The following ANKRD12 variants were observed in gnomAD, a reference collection of about 807,000 sequenced individuals.
ANKRD12 encodes ankyrin repeat domain-containing protein 12.
ANKRD12 carries 85 observed loss-of-function variants against 183.4 expected under a neutral mutation model. The observed-to-expected ratio is 0.46, with a 90% confidence interval of 0.39 to 0.56. The LOEUF is 0.56. Among genes scored for constraint, ANKRD12 ranks in the 20% least tolerant of loss-of-function variants. The pLI is 0.00. For synonymous variants in ANKRD12, 914 were observed against 800.2 expected, an observed-to-expected ratio of 1.14 and a Z score of -2.40; for missense variants, 2,405 against 2,357.1, an observed-to-expected ratio of 1.02 and a Z score of -0.42.
intron 10 of ANKRD12, among the ~76,000 whole-genome samples, chr18:9,274,324 G>A (rs2145438502): frequency 6.6e-6 from 1 of 152,254 alleles, no homozygotes; most frequent in Non-Finnish European, 1.5e-5. Flanking sequence ...AATAAAATGT[G>A]GTATATCCAT....
At chr18:9,231,392 G>C (rs1288081376) in intron 8 of ANKRD12, among the ~76,000 whole-genome samples, 6 of 152,036 alleles carry the variant, frequency 3.9e-5, no homozygotes, top group African/African-American at 1.4e-4. Context: ...TTGTATCTAG[G>C]AGTATTTGCT....
Position 9,255,144 on chromosome 18 carries a change from A to C in ANKRD12, c.1877A>C (p.Asp626Ala), listed in dbSNP as rs2038524536. The stretch of plus-strand genomic sequence containing the variant: ...GAAAAATCAAATGCCAAAATAAAGG[A>C]TGAAGATCATAGTCCAACATTTGAA... ...FGEKSNAKIK[D>A]EDHSPTFENS... Residue 626 changes from aspartate (D) to alanine (A), a missense_variant, in exon 9 of 13, where the codon GAT (aspartate) becomes GCT (alanine). By Grantham distance (126) the Asp-to-Ala change is moderately radical (BLOSUM62 -2). Transcript: ENST00000262126. 3 of 1,588,782 alleles carry C rather than the reference A, an allele frequency of 1.9e-6. No homozygotes were observed. Among genetic ancestry groups the C allele is most frequent in the Non-Finnish European group, 8.5e-7 (1 of 1,172,950 alleles).
At chr18:9,234,570 A>C (rs998226519) in intron 8 of ANKRD12, among the ~76,000 whole-genome samples, 4 of 152,226 alleles carry the variant, frequency 2.6e-5, no homozygotes, top group African/African-American at 9.6e-5. Context: ...TCCAGCCAAC[A>C]CTGTGCCACT....
chr18:9,151,569 C>T (rs930126623), intron 1 of ANKRD12, among the ~76,000 whole-genome samples: 2 of 152,190 alleles, frequency 1.3e-5, no homozygotes, highest in Admixed American at 1.3e-4. Flanking sequence ...TCCCAGATCA[C>T]ACTACATAAA....
chr18:9,211,244 A>T (rs1388372855), intron 5 of ANKRD12, among the ~76,000 whole-genome samples: 2 of 152,146 alleles, frequency 1.3e-5, no homozygotes, highest in Non-Finnish European at 2.9e-5. Context: ...TAGGTCTTAG[A>T]ATAATAGCAT....
At chr18:9,176,625 A>T (rs1254155656) in intron 1 of ANKRD12, among the ~76,000 whole-genome samples, 1 of 152,168 alleles carries the variant, frequency 6.6e-6, no homozygotes, top group East Asian at 1.9e-4. Context: ...TACTTAAAAA[A>T]AAAGAAAGAA....
Position 9,248,602 on chromosome 18 carries a change from C to A in ANKRD12, c.944-5609C>A, listed in dbSNP as rs1266991769. Among the ~76,000 whole-genome samples, 3 of 152,118 alleles carry A rather than the reference C, an allele frequency of 2.0e-5. No individual in the cohort carries two copies. In the East Asian group the frequency reaches 5.8e-4, roughly 29 times the overall value. On this transcript the variant is annotated intron_variant, in intron 8 of 12. Coordinates refer to ENST00000262126, the MANE Select transcript of ANKRD12 (RefSeq NM_015208.5). ...CTTGTGTTTGCAGTTATTTTATATT[C>A]ATAAAGTACATATATAAATAATTAT...
intron 8 of ANKRD12, among the ~76,000 whole-genome samples, chr18:9,243,729 AT>A (rs1327779001): frequency 3.9e-5 from 6 of 152,256 alleles, no homozygotes; most frequent in Non-Finnish European, 8.8e-5. Context: ...CATATGAAGA[AT>A]GTGGAAAACA....
rs2038602459 is a variant in ANKRD12 at position 9,256,098 on chromosome 18, G to A, written c.2831G>A (p.Ser944Asn). 1.9e-6 allele frequency: 3 copies of A among 1,558,892 alleles called. No homozygotes were observed. In the East Asian group the frequency reaches 6.9e-5, roughly 36 times the overall value. Residue 944 changes from serine (S) to asparagine (N), a missense_variant, in exon 9 of 13, where the codon AGT becomes AAT. Coordinates refer to ENST00000262126, the MANE Select transcript of ANKRD12 (RefSeq NM_015208.5). ...KNKQSDNSEY[S>N]KSEKGKNKEK... The stretch of plus-strand genomic sequence containing the variant: ...AAACAATCAGATAATAGTGAATACA[G>A]TAAATCAGAAAAAGGCAAAAATAAA...
chr18:9,163,925 C>T (rs569974984), intron 1 of ANKRD12, among the ~76,000 whole-genome samples: 5 of 152,170 alleles, frequency 3.3e-5, no homozygotes, highest in African/African-American at 9.6e-5. Flanking sequence ...AAGACGCTTT[C>T]GGGCCGAGAC....
intron 6 of ANKRD12, 50 bp downstream of exon 6, chr18:9,211,834 G>A: frequency 7.1e-7 from 1 of 1,405,026 alleles, no homozygotes; most frequent in South Asian, 1.2e-5. Context: ...AATTTAAACA[G>A]ATCCTGGTTA....
intron 7 of ANKRD12, among the ~76,000 whole-genome samples, chr18:9,219,886 C>CA (rs1244262713): frequency 6.6e-6 from 1 of 152,138 alleles, no homozygotes; most frequent in Non-Finnish European, 1.5e-5. Context: ...TTACACAGCC[C>CA]AGTAATTGCT....
At chr18:9,177,519 C>T (rs568802271) in intron 1 of ANKRD12, among the ~76,000 whole-genome samples, 2 of 152,080 alleles carry the variant, frequency 1.3e-5, no homozygotes, top group South Asian at 2.1e-4. Context: ...ATGTAATGAT[C>T]GAGTCAGATT....
At chr18:9,234,046 G>A (rs1383133211) in intron 8 of ANKRD12, among the ~76,000 whole-genome samples, 1 of 138,550 alleles carries the variant, frequency 7.2e-6, no homozygotes, top group East Asian at 2.2e-4. Context: ...TGGCTGTGGT[G>A]CAGGGTTACC....
At chr18:9,221,732 G>A in intron 7 of ANKRD12, 120 bp from the exon 8 acceptor site, 2 of 960,838 alleles carry the variant, frequency 2.1e-6, no homozygotes, top group Non-Finnish European at 3.0e-6. Context: ...AGATGGTGAG[G>A]AATGGATGCA....
At chr18:9,188,279 T>C (rs1441641560) in intron 2 of ANKRD12, among the ~76,000 whole-genome samples, 2 of 152,230 alleles carry the variant, frequency 1.3e-5, no homozygotes, top group African/African-American at 2.4e-5. Flanking sequence ...AAATCTTTTA[T>C]GATGGGCAGT....
At chr18:9,167,453 C>T (rs2032198194) in intron 1 of ANKRD12, among the ~76,000 whole-genome samples, 1 of 152,032 alleles carries the variant, frequency 6.6e-6, no homozygotes, top group South Asian at 2.1e-4. Flanking sequence ...AGTTGGATTC[C>T]TAGGTATTTT....
chr18:9,255,857 G>A lies in ANKRD12; in HGVS notation c.2590G>A (p.Val864Ile). The change falls in exon 9 of 13, where the codon GTT becomes ATT. Residue 864 changes from valine to isoleucine, a missense_variant. By Grantham distance (29) the Val-to-Ile change is conservative (BLOSUM62 3). Coordinates refer to ENST00000262126, the MANE Select transcript of ANKRD12 (RefSeq NM_015208.5). ...EKDKLDLSEC[V>I]DKIKEKDKLY... Reference sequence around the variant, plus strand: ...AGACAAATTAGATCTTAGTGAATGTGTTGATAAAATAAAAGAAAAGGACAA... The same window carrying A: ...AGACAAATTAGATCTTAGTGAATGTATTGATAAAATAAAAGAAAAGGACAA... 1 of 1,588,970 alleles carries A rather than the reference G, an allele frequency of 6.3e-7. No individual in the cohort carries two copies. Among genetic ancestry groups the A allele is most frequent in the Non-Finnish European group, 8.5e-7 (1 of 1,173,248 alleles).
chr18:9,243,056 A>G (rs1481892146), intron 8 of ANKRD12, among the ~76,000 whole-genome samples: 2 of 152,236 alleles, frequency 1.3e-5, no homozygotes, highest in Non-Finnish European at 2.9e-5. Flanking sequence ...TTTCTAAACT[A>G]CCTTGCTCAA....
Sources: gnomAD v4.1 joint callset for allele counts (sites outside exome capture counted in the v4.1 genomes callset) on GRCh38, gnomAD v4.1.1 for gene constraint, MANE v1.5 for transcripts, NCBI Gene and HGNC (gene_info 2026-07-23, HGNC 2026-07-21) for gene names.